SPTAN1: variants seen among roughly 807,000 people sequenced by gnomAD.
SPTAN1 encodes the protein spectrin alpha, non-erythrocytic 1, also known as spectrin alpha chain, non-erythrocytic 1.
A neutral mutation model predicts 331.3 loss-of-function variants in SPTAN1; 61 were observed. The observed-to-expected ratio is 0.18, with a 90% CI of 0.15 to 0.23. The LOEUF is 0.23. SPTAN1 is among the 10% of genes least tolerant of loss of function. The pLI, the probability that SPTAN1 is intolerant of heterozygous loss-of-function variation, is 1.00. For missense variants in SPTAN1, 2,043 were observed against 3,147.9 expected (o/e 0.65, Z 8.40); for synonymous variants, 1,153 against 1,173.9 (o/e 0.98, Z 0.36).
intron 1 of SPTAN1, among the ~76,000 whole-genome samples, chr9:128,566,200 G>A (rs1273878473): frequency 3.3e-5 from 5 of 152,110 alleles, no homozygotes; most frequent in Non-Finnish European, 5.9e-5. Context: ...GGTACCATAG[G>A]CACACACCAC....
intron 22 of SPTAN1, 117 bp from the exon 23 acceptor site, chr9:128,592,866 A>G (rs997353559): frequency 3.2e-6 from 3 of 940,086 alleles, no homozygotes; most frequent in Non-Finnish European, 5.1e-6. Flanking sequence ...GAATAACTCC[A>G]TAGTTTCCCA....
chr9:128,592,079 T>C (rs1287417057), intron 22 of SPTAN1, among the ~76,000 whole-genome samples: 1 of 152,098 alleles, frequency 6.6e-6, no homozygotes, highest in Non-Finnish European at 1.5e-5. Context: ...GTCCCTCCTT[T>C]AGGGTATTTC....
intron 39 of SPTAN1, 31 bp downstream of exon 39, chr9:128,612,277 T>C (rs1856652556): frequency 6.2e-7 from 1 of 1,613,840 alleles, no homozygotes; most frequent in Admixed American, 1.7e-5. Flanking sequence ...TTCCTACCAG[T>C]GGGGGATTTC....
intron 11 of SPTAN1, 124 bp from the exon 12 acceptor site, chr9:128,581,658 A>G: frequency 1.3e-6 from 1 of 787,968 alleles, no homozygotes; most frequent in East Asian, 2.4e-5. Flanking sequence ...AGATCTTAGA[A>G]GTTTAGCAGC....
chr9:128,574,622 G>A lies in SPTAN1; in HGVS notation c.364-53G>A, dbSNP rs1011747865. 3.5e-5 allele frequency: 56 copies of A among 1,611,362 alleles called. No individual in the cohort carries two copies. The Admixed American group carries it at 8.8e-4, about 25-fold the overall frequency. Reference sequence around the variant, plus strand: ...TTGTCTAAACTCTATGGAAGAGCCAGATCCCACAGAGCCAGTTGTGATCTG... The same window carrying A: ...TTGTCTAAACTCTATGGAAGAGCCAAATCCCACAGAGCCAGTTGTGATCTG... On this transcript the variant is annotated intron_variant, in intron 3 of 56. Coordinates refer to ENST00000372739, the MANE Select transcript of SPTAN1 (RefSeq NM_001130438.3).
chr9:128,611,689 G>GA (rs1242511726), intron 37 of SPTAN1, 25 bp from the exon 38 acceptor site: 2 of 1,613,186 alleles, frequency 1.2e-6, no homozygotes, highest in Non-Finnish European at 1.7e-6. Context: ...AACTGGTTTG[G>GA]AAAAAATTTT....
At chr9:128,611,460 AC>A in intron 37 of SPTAN1, 1 of 452,712 alleles carries the variant, frequency 2.2e-6, no homozygotes, top group Non-Finnish European at 4.1e-6. Context: ...ACTGAGCAAG[AC>A]CCTGTCTCAA....
chr9:128,609,861 C>G (rs1264742015), intron 37 of SPTAN1, among the ~76,000 whole-genome samples, 196 bp downstream of exon 37: 2 of 152,170 alleles, frequency 1.3e-5, no homozygotes, highest in Non-Finnish European at 2.9e-5. Flanking sequence ...AATTAGCCTG[C>G]AACGCCTTAC....
In SPTAN1 at chr9:128,599,164, T is replaced by C. The variant is rs139179012; in HGVS notation, c.3543+178T>C. 7.2e-6 allele frequency: 5 copies of C among 694,476 alleles called. No individual in the cohort carries two copies. The East Asian group carries it at 1.4e-4, about 20-fold the overall frequency. 43.0% of individuals were successfully genotyped at this position (694,476 alleles called of 1,614,324 possible). A position where few individuals can be genotyped will look rare whatever the true frequency, so the allele number is the denominator to read the frequency against. ...ATTTCTTTTTTTTTGAGACGGAGTCTCACTCTGTCAACCAGGCTGGAGTGC... is the reference window on the plus strand; with the variant it reads ...ATTTCTTTTTTTTTGAGACGGAGTCCCACTCTGTCAACCAGGCTGGAGTGC... On this transcript the variant is annotated intron_variant, in intron 26 of 56. Transcript: ENST00000372739.
chr9:128,585,088 C>CACT (rs1852420045), intron 18 of SPTAN1, among the ~76,000 whole-genome samples: 1 of 150,454 alleles, frequency 6.6e-6, no homozygotes, highest in East Asian at 2.0e-4. Context: ...GGTCTCAGCT[C>CACT]AGTGGAACCT....
chr9:128,615,978 C>A, intron 41 of SPTAN1, 138 bp downstream of exon 41: 1 of 896,826 alleles, frequency 1.1e-6, no homozygotes, highest in Non-Finnish European at 1.8e-6. Flanking sequence ...TCGTGGGATG[C>A]CTCAGTGTCT....
chr9:128,589,851 AG>A (rs1853236455), intron 21 of SPTAN1, among the ~76,000 whole-genome samples: 1 of 152,212 alleles, frequency 6.6e-6, no homozygotes, highest in Non-Finnish European at 1.5e-5. Context: ...CTGAGATTAC[AG>A]GCATGAGCCA....
At chr9:128,621,068 C>A in intron 44 of SPTAN1, 90 bp from the exon 45 acceptor site, 1 of 1,003,646 alleles carries the variant, frequency 1.0e-6, no homozygotes, top group South Asian at 1.3e-5. Context: ...GGACAGGGAC[C>A]ATAGCAGTTT....
chr9:128,584,433 A>AT lies in SPTAN1; in HGVS notation c.2347dup (p.Ser783PhefsTer12). ...GTTGCCCGGAAGCAGAAGCTGGCCG[A>AT]TTCTCTGCGGTTGCAGCAGCTCTTC... is the stretch of plus-strand genomic sequence containing the variant. On this transcript the variant is annotated frameshift_variant, in exon 17 of 57. Transcript: ENST00000372739. LOFTEE classifies it high-confidence loss of function. 2 of 1,614,164 alleles carry AT rather than the reference A, an allele frequency of 1.2e-6. No individual in the cohort carries two copies. The highest frequency in any genetic ancestry group is 1.1e-5 in the South Asian group (1 of 91,082).
Position 128,584,265 on chromosome 9 carries a change from T to G in SPTAN1, c.2194-17T>G. ...CACACCCAAAGTAAAGTCTGCTCTG[T>G]CCTTTTGCATTCCCAGGACCGAATT... On this transcript the variant is annotated splice_polypyrimidine_tract_variant and intron_variant, in intron 16 of 56. Coordinates refer to ENST00000372739, the MANE Select transcript of SPTAN1 (RefSeq NM_001130438.3). 1 of 1,614,192 alleles carries G rather than the reference T, an allele frequency of 6.2e-7. No individual in the cohort carries two copies. Among genetic ancestry groups the G allele is most frequent in the Non-Finnish European group, 8.5e-7 (1 of 1,180,042 alleles).
At chr9:128,579,565 A>G (rs943819328) in intron 9 of SPTAN1, 72 bp from the exon 10 acceptor site, 6 of 1,236,408 alleles carry the variant, frequency 4.9e-6, no homozygotes, top group Non-Finnish European at 7.1e-6. Flanking sequence ...ATGCTTATGT[A>G]AAATTCAGCA....
intron 1 of SPTAN1, among the ~76,000 whole-genome samples, chr9:128,562,701 T>C (rs963485613): frequency 2.4e-3 from 19 of 8,010 alleles, no homozygotes; most frequent in African/African-American, 2.5e-3. Flanking sequence ...CTGCCTGTTA[T>C]CATTAAATAT....
chr9:128,598,530 G>C (rs370233387), intron 25 of SPTAN1, 26 bp downstream of exon 25: 1 of 1,530,608 alleles, frequency 6.5e-7, no homozygotes, highest in East Asian at 2.3e-5. Context: ...TTGGAGTGAG[G>C]CTCTGTTGCT....
At chr9:128,553,947 C>G (rs1398685143) in intron 1 of SPTAN1, among the ~76,000 whole-genome samples, 3 of 152,116 alleles carry the variant, frequency 2.0e-5, no homozygotes, top group African/African-American at 7.2e-5. Context: ...AACAGAAAAT[C>G]TTGGAAATAG....
Sources: gnomAD v4.1 joint callset for allele counts (sites outside exome capture counted in the v4.1 genomes callset) on GRCh38, gnomAD v4.1.1 for gene constraint, MANE v1.5 for transcripts, NCBI Gene and HGNC (gene_info 2026-07-23, HGNC 2026-07-21) for gene names.